The following GTF3C2 variants were observed in gnomAD, a reference collection of about 807,000 sequenced individuals.
The protein encoded by GTF3C2 is general transcription factor IIIC subunit 2.
In GTF3C2, 17 loss-of-function variants were observed where a neutral mutation model predicts 117.4. That is an observed-to-expected ratio of 0.14 (90% CI 0.10 to 0.22). The LOEUF is 0.22. Among genes scored for constraint, GTF3C2 ranks in the 10% least tolerant of loss-of-function variants. The pLI, the probability that GTF3C2 is intolerant of heterozygous loss-of-function variation, is 1.00. For missense variants in GTF3C2, 888 were observed against 1,143.6 expected, an observed-to-expected ratio of 0.78 and a Z score of 3.22; for synonymous variants, 437 against 427.0, an observed-to-expected ratio of 1.02 and a Z score of -0.29.
chr2:27,351,061 A>G (rs1229529232), intron 1 of GTF3C2, among the ~76,000 whole-genome samples: 1 of 151,914 alleles, frequency 6.6e-6, no homozygotes, highest in Non-Finnish European at 1.5e-5. Flanking sequence ...GACTGCAGTG[A>G]GCTATGATTG....
chr2:27,327,017 C>CATGA (rs761260088), intron 18 of GTF3C2, 124 bp from the exon 19 acceptor site: 1 of 707,012 alleles, frequency 1.4e-6, no homozygotes, highest in South Asian at 1.8e-5. Context: ...TGAGGGGTGA[C>CATGA]AGAGGTAAGA....
intron 1 of GTF3C2, among the ~76,000 whole-genome samples, chr2:27,351,370 C>G (rs1042864180): frequency 2.0e-5 from 3 of 152,078 alleles, no homozygotes; most frequent in African/African-American, 7.2e-5. Flanking sequence ...GCTGAGATCG[C>G]GCCACTGCAC....
At chr2:27,330,239 C>G (rs1436509043) in intron 12 of GTF3C2, among the ~76,000 whole-genome samples, 1 of 151,496 alleles carries the variant, frequency 6.6e-6, no homozygotes, top group Non-Finnish European at 1.5e-5. Flanking sequence ...GGGTGGATCA[C>G]TTGAGGTCAG....
chr2:27,353,762 C>G (rs1681223695), intron 1 of GTF3C2, among the ~76,000 whole-genome samples: 1 of 152,144 alleles, frequency 6.6e-6, no homozygotes, highest in Non-Finnish European at 1.5e-5. Flanking sequence ...CCCTGTCACC[C>G]AGGCTGGAAT....
At chr2:27,352,559 A>C (rs1206314736) in intron 1 of GTF3C2, among the ~76,000 whole-genome samples, 1 of 152,164 alleles carries the variant, frequency 6.6e-6, no homozygotes, top group Admixed American at 6.6e-5. Flanking sequence ...AACAGCATTT[A>C]AATATGTTTA....
rs144309129 is a variant in GTF3C2 at position 27,343,002 on chromosome 2, T to C, written c.393A>G (p.Gln131=). ...GCATGGGGGTGGACAGAGGGTTGGA[T>C]TGATCTAAGAGACCAGGAACCAGTG... The change falls in exon 3 of 19, where the codon CAA becomes CAG. Residue 131 remains glutamine (Q), a synonymous_variant. Transcript: ENST00000264720. 4.5e-4 allele frequency: 725 copies of C among 1,614,074 alleles called. 1 individual carries two copies. Among genetic ancestry groups the C allele is most frequent in the Non-Finnish European group, 5.8e-4 (681 of 1,180,036 alleles).
chr2:27,339,986 C>T (rs1415485645), intron 4 of GTF3C2: 3 of 93,884 alleles, frequency 3.2e-5, no homozygotes, highest in Admixed American at 1.2e-4. Context: ...GACTCTGTTT[C>T]AAAAAAAAAA....
exon 5 of GTF3C2, chr2:27,337,998 C>T (rs1680559127): frequency 6.2e-7 from 1 of 1,610,720 alleles, no homozygotes; most frequent in Non-Finnish European, 8.5e-7. Flanking sequence ...GGGAGCCATT[C>T]CTCGGCAGTG....
At chr2:27,337,553 T>A in exon 6 of GTF3C2, 2 of 1,604,862 alleles carry the variant, frequency 1.2e-6, no homozygotes, top group Non-Finnish European at 1.7e-6. Flanking sequence ...ATGTTTCTGC[T>A]CTCGGCTGGA....
chr2:27,327,315 A>G (rs1342940072), intron 17 of GTF3C2, 31 bp from the exon 18 acceptor site: 8 of 1,151,164 alleles, frequency 6.9e-6, no homozygotes, highest in Non-Finnish European at 1.0e-5. Flanking sequence ...AGGAGAGAGA[A>G]AGTGAGACGC....
intron 4 of GTF3C2, chr2:27,340,269 G>A (rs1025902412): frequency 1.3e-5 from 2 of 152,008 alleles, no homozygotes; most frequent in African/African-American, 4.8e-5. Flanking sequence ...TTTAAAGACA[G>A]AGTCTGGCTG....
intron 1 of GTF3C2, among the ~76,000 whole-genome samples, chr2:27,345,796 C>T (rs1298890326): frequency 1.3e-5 from 2 of 150,444 alleles, no homozygotes; most frequent in African/African-American, 4.9e-5. Context: ...TCACTGCAAC[C>T]TCTGCCTCCC....
intron 12 of GTF3C2, among the ~76,000 whole-genome samples, chr2:27,332,307 G>A (rs1031567203): frequency 2.0e-5 from 3 of 151,540 alleles, no homozygotes; most frequent in African/African-American, 7.3e-5. Context: ...CACCATGCCT[G>A]GCTGATCCCA....
chr2:27,337,663 A>G, intron 5 of GTF3C2, 105 bp from the exon 6 acceptor site: 1 of 834,062 alleles, frequency 1.2e-6, no homozygotes, highest in Non-Finnish European at 2.1e-6. Flanking sequence ...TGTGCTCCCC[A>G]ATATGCCAGT....
At chr2:27,351,527 A>G (rs181605885) in intron 1 of GTF3C2, among the ~76,000 whole-genome samples, 51 of 152,328 alleles carry the variant, frequency 3.3e-4, no homozygotes, top group African/African-American at 1.2e-3. Context: ...GTCTGCAGTA[A>G]TCAGAAAGTG....
At chr2:27,327,017 CAG>C (rs1680098823) in intron 18 of GTF3C2, 124 bp from the exon 19 acceptor site, 6 of 707,012 alleles carry the variant, frequency 8.5e-6, no homozygotes, top group Non-Finnish European at 1.4e-5. Context: ...TGAGGGGTGA[CAG>C]AGGTAAGAAT....
intron 1 of GTF3C2, among the ~76,000 whole-genome samples, chr2:27,347,370 G>C (rs1210257530): frequency 6.6e-6 from 1 of 152,170 alleles, no homozygotes; most frequent in Non-Finnish European, 1.5e-5. Flanking sequence ...AGTCTAACCA[G>C]ATTATAAACT....
intron 1 of GTF3C2, among the ~76,000 whole-genome samples, chr2:27,346,413 G>A: frequency 8.2e-6 from 1 of 121,320 alleles, no homozygotes; most frequent in East Asian, 2.8e-4. Context: ...GTGCAATGGT[G>A]CAATCACAGC....
chr2:27,337,707 T>C (rs1014908242), intron 5 of GTF3C2, 149 bp from the exon 6 acceptor site: 1 of 714,244 alleles, frequency 1.4e-6, no homozygotes, highest in Admixed American at 2.1e-5. Flanking sequence ...GCACCTAAAA[T>C]GTGGCTAGCG....
Sources: allele counts gnomAD v4.1 joint callset (sites outside exome capture counted in the v4.1 genomes callset), GRCh38; gene constraint gnomAD v4.1.1; transcripts MANE v1.5; gene names NCBI Gene and HGNC (gene_info 2026-07-23, HGNC 2026-07-21).